The following SYNJ2 variants were observed in gnomAD, a reference collection of about 807,000 sequenced individuals.
SYNJ2 encodes polyphosphatidylinositol phosphatase SYNJ2.
Under a neutral mutation model 141.3 loss-of-function variants are expected in SYNJ2, and 116 were observed. That is an observed-to-expected ratio of 0.82 (90% CI 0.71 to 0.96). SYNJ2 has a LOEUF of 0.96. SYNJ2 is among the 40% of genes least tolerant of loss of function. The pLI is 0.00. For missense variants in SYNJ2, 1,873 were observed against 1,934.8 expected (o/e 0.97, Z 0.60); for synonymous variants, 745 against 777.7 (o/e 0.96, Z 0.70).
At chr6:158,039,755 G>A (rs772786909) in intron 4 of SYNJ2, among the ~76,000 whole-genome samples, 2 of 143,930 alleles carry the variant, frequency 1.4e-5, no homozygotes, top group Non-Finnish European at 3.1e-5. Flanking sequence ...CGGTGGCCTC[G>A]CCCCAGGGTG....
intron 1 of SYNJ2, among the ~76,000 whole-genome samples, chr6:157,984,132 G>C (rs530375083): frequency 6.6e-6 from 1 of 152,168 alleles, no homozygotes; most frequent in African/African-American, 2.4e-5. Context: ...TACTTACTGC[G>C]TCTGGCCTGA....
At position 158,088,034 on chromosome 6, in the gene SYNJ2, ATTTTTTTTTTTTTTTTTTTTTTTTTTTT is replaced by A. The variant is rs568222551; in HGVS notation, c.3344-609_3344-582del. Among the ~76,000 whole-genome samples, 313 of 31,944 alleles carry A rather than the reference ATTTTTTTTTTTTTTTTTTTTTTTTTTTT, an allele frequency of 9.8e-3. 2 individuals are homozygous for A. Among genetic ancestry groups the A allele is most frequent in the African/African-American group, 0.021 (247 of 11,844 alleles). The allele number at this position is 31,944 out of a possible 152,430, so 21.0% of individuals were successfully genotyped here. A position where few individuals can be genotyped will look rare whatever the true frequency, so the allele number is the denominator to read the frequency against. ...TAACAGTTTATTCCCCTGCTTTGGA[ATTTTTTTTTTTTTTTTTTTTTTTTTTTT>A]TTTTTTTTTTTTTTTTGAGATGGGC... On this transcript the variant is annotated intron_variant, in intron 23 of 26. Coordinates refer to ENST00000355585, the MANE Select transcript of SYNJ2 (RefSeq NM_003898.4).
At position 158,059,299 on chromosome 6, in the gene SYNJ2, C is replaced by T. The variant is rs377158976; in HGVS notation, c.900C>T (p.Val300=). Reference sequence around the variant, plus strand: ...AGGAGCAGTACGGGCAGCAGGTGGTCGTGAACCTTCTGGGAAGCAGAGGCG... The same window carrying T: ...AGGAGCAGTACGGGCAGCAGGTGGTTGTGAACCTTCTGGGAAGCAGAGGCG... ...LLKEQYGQQV[V]VNLLGSRGGE... The change falls in exon 7 of 27, where the codon GTC becomes GTT. Residue 300 remains valine (V), a synonymous_variant. Transcript: ENST00000355585. The T allele has an allele frequency of 9.0e-6, 14 of 1,550,696 alleles. No homozygotes were observed. The highest frequency in any genetic ancestry group is 6.8e-5 in the African/African-American group (5 of 73,090).
chr6:158,090,542 G>GTTTTTTTTTTTTTTTTTT (rs58356198), intron 25 of SYNJ2, among the ~76,000 whole-genome samples: 1 of 113,924 alleles, frequency 8.8e-6, no homozygotes, highest in Non-Finnish European at 1.8e-5. Flanking sequence ...TTTTTTTTTT[G>GTTTTTTTTTTTTTTTTTT]TTTTTTTTTT....
intron 5 of SYNJ2, 79 bp from the exon 6 acceptor site, chr6:158,054,888 G>A: frequency 6.7e-7 from 1 of 1,485,452 alleles, no homozygotes; most frequent in Non-Finnish European, 9.3e-7. Flanking sequence ...CTGGGAGTAA[G>A]AAGGAGAATG....
chr6:158,061,305 T>A (rs1166598132), intron 7 of SYNJ2, among the ~76,000 whole-genome samples: 1 of 152,204 alleles, frequency 6.6e-6, no homozygotes, highest in Non-Finnish European at 1.5e-5. Context: ...AGTTTGTCCT[T>A]CATCACGGGG....
At chr6:158,077,650 T>TAAAAAAAAAAAAAAAAAAAAAAA (rs56028079) in intron 17 of SYNJ2, 1 of 128,206 alleles carries the variant, frequency 7.8e-6, no homozygotes, top group African/African-American at 2.9e-5. Context: ...AACTAGTACA[T>TAAAAAAAAAAAAAAAAAAAAAAA]AAAAAAAAAA....
intron 8 of SYNJ2, 45 bp downstream of exon 8, chr6:158,062,209 G>A (rs1583436887): frequency 1.3e-6 from 2 of 1,594,582 alleles, no homozygotes; most frequent in Non-Finnish European, 1.7e-6. Context: ...CTGGGGGGAA[G>A]CGTCAGTCCA....
rs1276156719 is a variant in SYNJ2, at chr6:158,098,932, C to T, written c.*2568C>T. 6.6e-6 allele frequency: 1 copy of T among 152,206 alleles called. No individual in the cohort carries two copies. Among genetic ancestry groups the T allele is most frequent in the Non-Finnish European group, 1.5e-5 (1 of 68,048 alleles). The allele number at this position is 152,206 out of a possible 1,614,324, so 9.4% of individuals were successfully genotyped here. On this transcript the variant is annotated 3_prime_UTR_variant, in exon 27 of 27. Transcript: ENST00000355585. ...AATTAGGACATCAGCTTAAGCAATT[C>T]CTGTAACGGTTTAACGTTGTTGAAG...
intron 1 of SYNJ2, among the ~76,000 whole-genome samples, chr6:157,992,089 G>T (rs1161065081): frequency 6.6e-6 from 1 of 152,118 alleles, no homozygotes; most frequent in African/African-American, 2.4e-5. Flanking sequence ...GGAAAATGGG[G>T]CATCCATCCC....
intron 3 of SYNJ2, 125 bp from the exon 4 acceptor site, chr6:158,033,330 A>G (rs1583362184): frequency 4.2e-6 from 4 of 953,014 alleles, no homozygotes; most frequent in Non-Finnish European, 3.2e-6. Flanking sequence ...GGGGAGCAGC[A>G]TGCATTCGCT....
Position 158,007,969 on chromosome 6 carries a change from T to C in SYNJ2, c.128-9235T>C, listed in dbSNP as rs534819326. Among the ~76,000 whole-genome samples, 9 of 151,870 alleles carry C rather than the reference T, an allele frequency of 5.9e-5. No homozygotes were observed. In the South Asian group the frequency reaches 1.7e-3, roughly 28 times the overall value. ...ACGCCTGGCTAATTTCTTTAAAAAT[T>C]TTTATAGGGATGGAGTCTCACTGTG... On this transcript the variant is annotated intron_variant, in intron 1 of 26. Coordinates refer to ENST00000355585, the MANE Select transcript of SYNJ2 (RefSeq NM_003898.4).
chr6:158,080,075 A>G (rs1782575210), intron 18 of SYNJ2, among the ~76,000 whole-genome samples: 1 of 152,196 alleles, frequency 6.6e-6, no homozygotes, highest in Non-Finnish European at 1.5e-5. Flanking sequence ...GGATTGCATT[A>G]TTTCCTGCTG....
At chr6:158,073,829 G>A (rs990820421) in intron 15 of SYNJ2, among the ~76,000 whole-genome samples, 2 of 152,054 alleles carry the variant, frequency 1.3e-5, no homozygotes, top group Non-Finnish European at 2.9e-5. Flanking sequence ...CTAGGCAGAT[G>A]GGAGCTGAAA....
intron 3 of SYNJ2, among the ~76,000 whole-genome samples, chr6:158,030,219 G>A (rs1253488104): frequency 6.6e-6 from 1 of 152,232 alleles, no homozygotes; most frequent in Non-Finnish European, 1.5e-5. Flanking sequence ...TCGCACTGAT[G>A]CCTAGAGATG....
chr6:158,042,692 C>T (rs999341817), intron 4 of SYNJ2, among the ~76,000 whole-genome samples: 2 of 152,324 alleles, frequency 1.3e-5, no homozygotes, highest in African/African-American at 4.8e-5. Context: ...TCATTTGTTT[C>T]TCTGCAGGTG....
At chr6:158,044,235 G>T (rs1400391248) in intron 5 of SYNJ2, among the ~76,000 whole-genome samples, 1 of 152,228 alleles carries the variant, frequency 6.6e-6, no homozygotes, top group Non-Finnish European at 1.5e-5. Flanking sequence ...CCATCTGCCA[G>T]GTTCCAGGGG....
chr6:157,994,800 C>T (rs1473675977), intron 1 of SYNJ2, among the ~76,000 whole-genome samples: 4 of 152,318 alleles, frequency 2.6e-5, no homozygotes, highest in South Asian at 2.1e-4. Context: ...TAGATTTGGG[C>T]TCTTTTTGAC....
chr6:158,036,301 T>G (rs1209431091), intron 4 of SYNJ2, among the ~76,000 whole-genome samples: 1 of 152,174 alleles, frequency 6.6e-6, no homozygotes, highest in Non-Finnish European at 1.5e-5. Flanking sequence ...GTTCCACCAT[T>G]GTGGAGAACA....
Sources: gnomAD v4.1 joint callset for allele counts (sites outside exome capture counted in the v4.1 genomes callset) on GRCh38, gnomAD v4.1.1 for gene constraint, MANE v1.5 for transcripts, NCBI Gene and HGNC (gene_info 2026-07-23, HGNC 2026-07-21) for gene names.